The following ALK variants were observed in gnomAD, a reference collection of about 807,000 sequenced individuals.
ALK encodes ALK tyrosine kinase receptor.
Under a neutral mutation model 163.1 loss-of-function variants are expected in ALK, and 74 were observed. The observed-to-expected ratio is 0.45, with a 90% CI of 0.38 to 0.55. The LOEUF (loss-of-function observed/expected upper bound fraction) is 0.55. Among genes scored for constraint, ALK ranks in the 20% least tolerant of loss-of-function variants. The pLI, the probability that ALK is intolerant of heterozygous loss-of-function variation, is 0.00. For synonymous variants in ALK, 960 were observed against 843.2 expected (o/e 1.14, Z -2.40); for missense variants, 2,063 against 2,105.3 (o/e 0.98, Z 0.39).
intron 11 of ALK, among the ~76,000 whole-genome samples, chr2:29,259,043 A>G (rs1665020134): frequency 1.3e-5 from 2 of 152,224 alleles, no homozygotes; most frequent in African/African-American, 4.8e-5. Flanking sequence ...TGATATTTCC[A>G]ACTCAAATTC....
chr2:29,507,471 A>G (rs894678652), intron 4 of ALK, among the ~76,000 whole-genome samples: 3 of 152,204 alleles, frequency 2.0e-5, no homozygotes, highest in Admixed American at 1.3e-4. Flanking sequence ...TTGCAAAGCA[A>G]TGTGAATGTA....
chr2:29,238,891 G>A (rs1226630047), intron 13 of ALK, among the ~76,000 whole-genome samples: 3 of 152,186 alleles, frequency 2.0e-5, no homozygotes, highest in African/African-American at 7.2e-5. Flanking sequence ...CCCGTGAAAA[G>A]ACATAACTGA....
At chr2:29,650,219 C>G (rs13399652) in intron 3 of ALK, among the ~76,000 whole-genome samples, 2,274 of 152,252 alleles carry the variant, frequency 0.015, 29 homozygotes, top group South Asian at 0.047. Context: ...AGGTTAGCAG[C>G]TATAAAAGTC....
At chr2:29,781,852 A>C (rs1025947843) in intron 1 of ALK, among the ~76,000 whole-genome samples, 2 of 152,176 alleles carry the variant, frequency 1.3e-5, no homozygotes, top group East Asian at 3.9e-4. Context: ...ACCTTCTCAC[A>C]GCTTTTGGGT....
chr2:29,582,354 A>G (rs1000699917), intron 3 of ALK, among the ~76,000 whole-genome samples: 1 of 152,192 alleles, frequency 6.6e-6, no homozygotes, highest in African/African-American at 2.4e-5. Context: ...TAAAGGCACA[A>G]TCTCATTTTG....
intron 3 of ALK, among the ~76,000 whole-genome samples, chr2:29,684,810 C>G (rs778057166): frequency 1.3e-5 from 2 of 152,160 alleles, no homozygotes; most frequent in African/African-American, 4.8e-5. Flanking sequence ...ATGGTAAGAA[C>G]ATAAGACTGG....
chr2:29,740,108 A>G (rs944083312), intron 1 of ALK, among the ~76,000 whole-genome samples: 1 of 152,140 alleles, frequency 6.6e-6, no homozygotes, highest in Non-Finnish European at 1.5e-5. Context: ...GAGCTACTGC[A>G]TTCTGATGTG....
At chr2:29,367,838 A>G (rs924252245) in intron 5 of ALK, among the ~76,000 whole-genome samples, 2 of 152,262 alleles carry the variant, frequency 1.3e-5, no homozygotes, top group South Asian at 2.1e-4. Flanking sequence ...CTATAATTAC[A>G]AAGTTGAATG....
chr2:29,475,154 G>A (rs1442721151), intron 4 of ALK, among the ~76,000 whole-genome samples: 1 of 152,166 alleles, frequency 6.6e-6, no homozygotes, highest in Non-Finnish European at 1.5e-5. Flanking sequence ...GGAAAATGGA[G>A]AAGAAAGGCC....
chr2:29,239,323 A>G (rs573550612), intron 13 of ALK, among the ~76,000 whole-genome samples: 1 of 152,180 alleles, frequency 6.6e-6, no homozygotes, highest in Admixed American at 6.5e-5. Context: ...CTGGAGAAGG[A>G]GCTGGGGGTC....
chr2:29,226,155 A>G (rs548495979), intron 18 of ALK, among the ~76,000 whole-genome samples: 38 of 152,098 alleles, frequency 2.5e-4, no homozygotes, highest in Non-Finnish European at 4.1e-4. Flanking sequence ...CTGCAAACAA[A>G]TGGGTTATTT....
intron 4 of ALK, among the ~76,000 whole-genome samples, chr2:29,415,362 A>G (rs973824974): frequency 6.6e-6 from 1 of 151,994 alleles, no homozygotes; most frequent in Non-Finnish European, 1.5e-5. Context: ...GTTGGCATTC[A>G]AACTCATTAG....
chr2:29,580,510 T>A (rs575843642), intron 3 of ALK, among the ~76,000 whole-genome samples: 5 of 152,278 alleles, frequency 3.3e-5, no homozygotes, highest in Admixed American at 1.3e-4. Flanking sequence ...ATAACCCCCA[T>A]TTGATTCAAT....
intron 1 of ALK, among the ~76,000 whole-genome samples, chr2:29,831,886 T>C (rs1305532755): frequency 1.3e-5 from 2 of 152,228 alleles, no homozygotes; most frequent in African/African-American, 4.8e-5. Context: ...ATCTCCTGAA[T>C]AGGCGAACCA....
intron 3 of ALK, among the ~76,000 whole-genome samples, chr2:29,603,944 T>A (rs1370928889): frequency 2.6e-5 from 4 of 151,702 alleles, no homozygotes; most frequent in Admixed American, 6.6e-5. Flanking sequence ...AATGAGACCC[T>A]TTTTTTTCCT....
At chr2:29,318,689 C>A (rs1666911203) in intron 7 of ALK, among the ~76,000 whole-genome samples, 1 of 152,018 alleles carries the variant, frequency 6.6e-6, no homozygotes. Flanking sequence ...GCCTCAGCCT[C>A]CCAAGTGGCA....
At position 29,736,778 on chromosome 2, in the gene ALK, G is replaced by A. The variant is rs181434679; in HGVS notation, c.668-19081C>T. On this transcript the variant is annotated intron_variant, in intron 1 of 28. Transcript: ENST00000389048. ...AAAAAATGCTTATTGAATTTGTAGC[G>A]ATAACTGATATCACAGAAAATAGAG... Among the ~76,000 whole-genome samples the A allele has an allele frequency of 1.4e-4, 22 of 152,138 alleles. No individual in the cohort carries two copies. The South Asian group carries it at 2.7e-3, about 19-fold the overall frequency.
intron 1 of ALK, among the ~76,000 whole-genome samples, chr2:29,862,678 A>G (rs1666325346): frequency 6.6e-6 from 1 of 152,206 alleles, no homozygotes; most frequent in African/African-American, 2.4e-5. Flanking sequence ...ATGTCTTCTT[A>G]AAATGTCTGT....
intron 1 of ALK, among the ~76,000 whole-genome samples, chr2:29,874,847 T>C (rs1450080780): frequency 3.3e-5 from 5 of 152,184 alleles, no homozygotes; most frequent in Non-Finnish European, 5.9e-5. Context: ...AGTGCCCACC[T>C]TCCCCCTGCT....
Sources: gnomAD v4.1 joint callset for allele counts (sites outside exome capture counted in the v4.1 genomes callset) on GRCh38, gnomAD v4.1.1 for gene constraint, MANE v1.5 for transcripts, NCBI Gene and HGNC (gene_info 2026-07-23, HGNC 2026-07-21) for gene names.